COBL: variants seen among roughly 807,000 people sequenced by gnomAD.
COBL encodes protein cordon-bleu.
A neutral mutation model predicts 98.8 loss-of-function variants in COBL; 51 were observed. That is an observed-to-expected ratio of 0.52 (90% confidence interval 0.41 to 0.65). COBL has a LOEUF of 0.65. Among genes scored for constraint, COBL ranks in the 30% least tolerant of loss-of-function variants. COBL has a pLI of 0.00. For synonymous variants in COBL, 634 were observed against 651.7 expected, an observed-to-expected ratio of 0.97 and a Z score of 0.41; for missense variants, 1,617 against 1,617.5, an observed-to-expected ratio of 1.00 and a Z score of 0.01.
intron 1 of COBL, among the ~76,000 whole-genome samples, chr7:51,312,094 C>T (rs527492453): frequency 1.4e-4 from 21 of 151,904 alleles, no homozygotes; most frequent in South Asian, 6.3e-4. Flanking sequence ...GAGGCCAAGG[C>T]GGGCGGATCA....
At chr7:51,187,359 T>C (rs957524557) in intron 4 of COBL, among the ~76,000 whole-genome samples, 5 of 147,494 alleles carry the variant, frequency 3.4e-5, no homozygotes, top group African/African-American at 1.2e-4. Flanking sequence ...CACACACATA[T>C]ATCTATATCT....
At chr7:51,118,445 T>C (rs1235747224) in intron 6 of COBL, among the ~76,000 whole-genome samples, 1 of 152,008 alleles carries the variant, frequency 6.6e-6, no homozygotes, top group Non-Finnish European at 1.5e-5. Flanking sequence ...ACTTGGCCTT[T>C]TACTGACTGT....
intron 7 of COBL, among the ~76,000 whole-genome samples, chr7:51,057,441 G>T (rs1046845798): frequency 6.6e-6 from 1 of 152,028 alleles, no homozygotes; most frequent in Non-Finnish European, 1.5e-5. Flanking sequence ...TACTTAAAAG[G>T]TACTCAAATA....
chr7:51,267,552 A>G (rs1034058907), intron 1 of COBL, among the ~76,000 whole-genome samples: 3 of 152,076 alleles, frequency 2.0e-5, no homozygotes, highest in African/African-American at 7.2e-5. Context: ...AACATTACAG[A>G]AATTACACAC....
At chr7:51,290,570 C>G (rs1194656812) in intron 1 of COBL, among the ~76,000 whole-genome samples, 1 of 151,950 alleles carries the variant, frequency 6.6e-6, no homozygotes, top group East Asian at 1.9e-4. Flanking sequence ...AAGATGTGTG[C>G]TATCTTTCTA....
At chr7:51,193,306 G>C in intron 3 of COBL, 73 bp downstream of exon 3, 1 of 1,340,442 alleles carries the variant, frequency 7.5e-7, no homozygotes, top group Non-Finnish European at 1.1e-6. Context: ...TTGATAAGAA[G>C]AGCCACACTG....
intron 1 of COBL, among the ~76,000 whole-genome samples, chr7:51,303,697 A>C (rs1218346667): frequency 6.6e-6 from 1 of 152,238 alleles, no homozygotes; most frequent in Non-Finnish European, 1.5e-5. Context: ...CATGTATCAA[A>C]ATTCAGCTTA....
chr7:51,226,259 G>A (rs368934641), intron 1 of COBL, among the ~76,000 whole-genome samples: 8 of 152,112 alleles, frequency 5.3e-5, no homozygotes, highest in South Asian at 2.1e-4. Context: ...AGGCACACCC[G>A]GCTCTCCTGG....
At position 51,294,668 on chromosome 7, in the gene COBL, T is replaced by A. The variant is rs572123291; in HGVS notation, c.41+21925A>T. Among the ~76,000 whole-genome samples, 144 of 151,202 alleles carry A rather than the reference T, an allele frequency of 9.5e-4. 1 individual carries two copies. The highest frequency in any genetic ancestry group is 4.4e-3 in the Admixed American group (66 of 15,146). On this transcript the variant is annotated intron_variant, in intron 1 of 12. Coordinates refer to ENST00000265136, the MANE Select transcript of COBL (RefSeq NM_015198.5). ...CAAAAAAAAAAAAAAAAAAACCATT[T>A]TGGTCTTAATTCTAAGTAAAGGTTT...
intron 3 of COBL, among the ~76,000 whole-genome samples, chr7:51,192,403 T>A (rs1024823637): frequency 6.6e-6 from 1 of 151,764 alleles, no homozygotes; most frequent in African/African-American, 2.4e-5. Flanking sequence ...AGGTCAGGAG[T>A]TCAAGACCAG....
chr7:51,223,508 C>T (rs1793865798), intron 1 of COBL, among the ~76,000 whole-genome samples: 1 of 152,196 alleles, frequency 6.6e-6, no homozygotes, highest in African/African-American at 2.4e-5. Flanking sequence ...TCCAAACTTC[C>T]AGAGAGTCTG....
intron 7 of COBL, among the ~76,000 whole-genome samples, chr7:51,050,921 C>G (rs1408423988): frequency 6.6e-6 from 1 of 152,194 alleles, no homozygotes; most frequent in Admixed American, 6.5e-5. Context: ...GCACATATAT[C>G]TATGTAACAT....
intron 1 of COBL, among the ~76,000 whole-genome samples, chr7:51,291,789 C>T (rs1800927255): frequency 6.6e-6 from 1 of 151,768 alleles, no homozygotes; most frequent in Non-Finnish European, 1.5e-5. Context: ...TATCAGTGCA[C>T]AATCAGCACA....
intron 5 of COBL, 29 bp from the exon 6 acceptor site, chr7:51,136,360 A>G (rs1305523806): frequency 6.3e-7 from 1 of 1,597,094 alleles, no homozygotes; most frequent in Non-Finnish European, 8.5e-7. Context: ...ACAGAAAACC[A>G]AATCAGTATG....
chr7:51,107,082 TAGTTTG>T (rs1409054128), intron 6 of COBL, among the ~76,000 whole-genome samples: 15 of 135,790 alleles, frequency 1.1e-4, no homozygotes, highest in Non-Finnish European at 1.7e-4. Context: ...TTTGTGATCC[TAGTTTG>T]TTTGTTTTTT....
At chr7:51,073,551 T>C (rs1792771860) in intron 7 of COBL, among the ~76,000 whole-genome samples, 3 of 152,200 alleles carry the variant, frequency 2.0e-5, no homozygotes, top group South Asian at 2.1e-4. Context: ...TTTAGTCTTT[T>C]TGTATGCCAG....
intron 1 of COBL, among the ~76,000 whole-genome samples, chr7:51,280,916 AT>A (rs1423049591): frequency 6.6e-6 from 1 of 152,218 alleles, no homozygotes; most frequent in Non-Finnish European, 1.5e-5. Context: ...CAATTGCCAG[AT>A]TTAAAAATTA....
intron 2 of COBL, among the ~76,000 whole-genome samples, chr7:51,211,088 A>T (rs748102241): frequency 6.6e-6 from 1 of 152,190 alleles, no homozygotes; most frequent in Non-Finnish European, 1.5e-5. Flanking sequence ...TCCCTCCACA[A>T]GACCTCAGTA....
At chr7:51,301,396 G>A (rs1411113059) in intron 1 of COBL, among the ~76,000 whole-genome samples, 1 of 152,206 alleles carries the variant, frequency 6.6e-6, no homozygotes, top group Admixed American at 6.5e-5. Context: ...GGAACTGCCT[G>A]GGCCCCCATC....
Sources: gnomAD v4.1 joint callset for allele counts (sites outside exome capture counted in the v4.1 genomes callset) on GRCh38, gnomAD v4.1.1 for gene constraint, MANE v1.5 for transcripts, NCBI Gene and HGNC (gene_info 2026-07-23, HGNC 2026-07-21) for gene names.